HIP1R: variants seen among roughly 807,000 people sequenced by gnomAD.
HIP1R encodes the protein huntingtin-interacting protein 1-related protein.
HIP1R carries 135 observed loss-of-function variants against 144.2 expected under a neutral mutation model. The ratio of observed to expected loss-of-function variants is 0.94; its 90% CI spans 0.81 to 1.08. The LOEUF (loss-of-function observed/expected upper bound fraction) is 1.08. Among genes scored for constraint, HIP1R ranks in the 50% least tolerant of loss-of-function variants. The pLI, the probability that HIP1R is intolerant of heterozygous loss-of-function variation, is 0.00. For missense variants in HIP1R, 1,462 were observed against 1,432.8 expected (o/e 1.02, Z -0.33); for synonymous variants, 698 against 612.8 (o/e 1.14, Z -2.05).
At chr12:122,860,023 T>G in intron 24 of HIP1R, 24 bp from the exon 25 acceptor site, 2 of 1,547,854 alleles carry the variant, frequency 1.3e-6, no homozygotes, top group South Asian at 2.5e-5. Context: ...GAGCGGCAGC[T>G]AAGTCTCTCC....
rs992456277 is a variant in HIP1R at position 122,840,326 on chromosome 12, G to A, written c.93+4683G>A. ...TGGCCTGTTCCTGTAGCTTTGGGGT[G>A]TGCCCCAGGAAGGTCCGAGTCATCT... On this transcript the variant is annotated intron_variant, in intron 1 of 31. Transcript: ENST00000253083. This position sits in a 1 kb window ranked among gnomAD's most constrained non-coding sequence, Gnocchi z 4.2. 6.6e-6 allele frequency among the ~76,000 whole-genome samples: 1 copy of A among 152,210 alleles called. No individual in the cohort carries two copies. The highest frequency in any genetic ancestry group is 6.5e-5 in the Admixed American group (1 of 15,280).
chr12:122,859,808 G>C lies in HIP1R; in HGVS notation c.2443G>C (p.Val815Leu). 6.2e-7 allele frequency: 1 copy of C among 1,612,888 alleles called. No homozygotes were observed. Among genetic ancestry groups the C allele is most frequent in the South Asian group, 1.1e-5 (1 of 91,036 alleles). ...MNQARHASSG[V>L]KLEVNERILN... The stretch of plus-strand genomic sequence containing the variant: ...CCAGGCACGCCACGCCAGCTCGGGG[G>C]TGAAGCTGGAGGTGAACGAGAGGTG... Residue 815 changes from valine to leucine, a missense_variant, in exon 24 of 32, where the codon GTG becomes CTG. Physicochemically the swap from Val to Leu is conservative, Grantham distance 32 (BLOSUM62 1). Coordinates refer to ENST00000253083, the MANE Select transcript of HIP1R (RefSeq NM_003959.3).
In HIP1R at chr12:122,836,459, T is replaced by G. The variant is rs374073601; in HGVS notation, c.93+816T>G. On this transcript the variant is annotated intron_variant, in intron 1 of 31. Coordinates refer to ENST00000253083, the MANE Select transcript of HIP1R (RefSeq NM_003959.3). This position sits in a 1 kb window ranked among gnomAD's most constrained non-coding sequence, Gnocchi z 4.1. ...GGCGCGGGTGTGCGTTTTGTACTTG[T>G]GTTTGTGCCGGGGACCCACGATGCA... 6.6e-6 allele frequency among the ~76,000 whole-genome samples: 1 copy of G among 152,188 alleles called. No homozygotes were observed. The highest frequency in any genetic ancestry group is 1.5e-5 in the Non-Finnish European group (1 of 68,042).
chr12:122,853,030 G>T (rs1239261863), intron 7 of HIP1R, among the ~76,000 whole-genome samples: 1 of 152,304 alleles, frequency 6.6e-6, no homozygotes, highest in African/African-American at 2.4e-5. Flanking sequence ...AGGCAAGGCA[G>T]GAGCAGGACC....
rs775827866 is a variant in HIP1R, at chr12:122,849,836, C to G, written c.358-39C>G. 10 of 1,498,562 alleles carry G rather than the reference C, an allele frequency of 6.7e-6. No individual in the cohort carries two copies. In the Admixed American group the frequency reaches 1.7e-4, roughly 25 times the overall value. 92.8% of individuals were successfully genotyped at this position (1,498,562 alleles called of 1,614,324 possible). ...GTCCTTGAGGACTCTTGGACGTGTT[C>G]ACGAGCCGTGGCCCCTCACCCTGTC... is the stretch of plus-strand genomic sequence containing the variant. On this transcript the variant is annotated intron_variant, in intron 4 of 31. Transcript: ENST00000253083.
Position 122,861,915 on chromosome 12 carries a change from G to A in HIP1R, c.*162G>A, listed in dbSNP as rs1490903279. The A allele has an allele frequency of 2.4e-5, 15 of 618,044 alleles. No individual in the cohort carries two copies. Among genetic ancestry groups the A allele is most frequent in the Non-Finnish European group, 3.6e-5 (13 of 361,020 alleles). 38.3% of individuals were successfully genotyped at this position (618,044 alleles called of 1,614,324 possible). On this transcript the variant is annotated 3_prime_UTR_variant, in exon 32 of 32. Coordinates refer to ENST00000253083, the MANE Select transcript of HIP1R (RefSeq NM_003959.3). ...CCCTGGCCCTTACTGAGCCTGCAGGGTCCTGGGCCATGTGGGTGGTGCTTC... is the reference window on the plus strand; with the variant it reads ...CCCTGGCCCTTACTGAGCCTGCAGGATCCTGGGCCATGTGGGTGGTGCTTC...
In HIP1R at chr12:122,855,814, A is replaced by G; in HGVS notation, c.1056-17A>G. The G allele has an allele frequency of 6.4e-7, 1 of 1,553,596 alleles. No homozygotes were observed. On this transcript the variant is annotated splice_polypyrimidine_tract_variant and intron_variant, in intron 12 of 31. Transcript: ENST00000253083. ...TTCTGGTTGACTTAACTTGAACCCC[A>G]GGACCTCTGTCCCCAGGGACCTCCA... is the stretch of plus-strand genomic sequence containing the variant.
rs2033809301 is a variant in HIP1R, at chr12:122,862,837, T to TA, written c.*1085dup. 6.6e-6 allele frequency: 1 copy of TA among 152,120 alleles called. No individual in the cohort carries two copies. Among genetic ancestry groups the TA allele is most frequent in the Admixed American group, 6.5e-5 (1 of 15,282 alleles). 9.4% of individuals were successfully genotyped at this position (152,120 alleles called of 1,614,324 possible). ...CTTTCACCCTGTGCTCTGGAAAGGC[T>TA]ACCAAATACTGGCCAAGGTCAGGAG... On this transcript the variant is annotated 3_prime_UTR_variant, in exon 32 of 32. Transcript: ENST00000253083.
At chr12:122,834,878 G>A (rs1593852576), upstream of HIP1R, 8 of 1,023,554 alleles carry the variant, frequency 7.8e-6, no homozygotes, top group South Asian at 1.1e-4. Flanking sequence ...GTGTCATTGT[G>A]TGCCTTTTGA....
intron 1 of HIP1R, among the ~76,000 whole-genome samples, chr12:122,846,893 C>T (rs1214750172): frequency 6.6e-6 from 1 of 152,248 alleles, no homozygotes. Flanking sequence ...AATTGGATGT[C>T]CTCTGCTCCG....
rs916784946 is a variant in HIP1R at position 122,862,144 on chromosome 12, C to T, written c.*391C>T. 6 of 193,562 alleles carry T rather than the reference C, an allele frequency of 3.1e-5. No homozygotes were observed. The highest frequency in any genetic ancestry group is 1.2e-4 in the Admixed American group (2 of 17,288). The allele number at this position is 193,562 out of a possible 1,614,324, so 12.0% of individuals were successfully genotyped here. On this transcript the variant is annotated 3_prime_UTR_variant, in exon 32 of 32. Transcript: ENST00000253083. The stretch of plus-strand genomic sequence containing the variant: ...ACCGGGCCAGCGTGGGGCTCCCTGC[C>T]TTCTGGACTCCTGAAGGTCGTGGAT...
In HIP1R at chr12:122,848,483, C is replaced by T; in HGVS notation, c.175C>T (p.His59Tyr). 1 of 1,612,644 alleles carries T rather than the reference C, an allele frequency of 6.2e-7. No individual in the cohort carries two copies. Among genetic ancestry groups the T allele is most frequent in the Non-Finnish European group, 8.5e-7 (1 of 1,179,532 alleles). The change falls in exon 3 of 32, where the codon CAC (histidine) becomes TAC (tyrosine). Residue 59 changes from histidine to tyrosine, a missense_variant. Transcript: ENST00000253083. Reference sequence around the variant, plus strand: ...CATTGCAGGCATCATTCTGGGCACACACCACGAGAAGGGGGCTTTCACCTT... The same window carrying T: ...CATTGCAGGCATCATTCTGGGCACATACCACGAGAAGGGGGCTTTCACCTT... ...KHARRIILGT[H>Y]HEKGAFTFWS...
intron 1 of HIP1R, among the ~76,000 whole-genome samples, chr12:122,837,031 A>G (rs2135623875): frequency 6.6e-6 from 1 of 152,336 alleles, no homozygotes; most frequent in Non-Finnish European, 1.5e-5. Context: ...CCAATACATA[A>G]TTAATTGTGC....
At position 122,859,073 on chromosome 12, in the gene HIP1R, C is replaced by T. The variant is rs1445364580; in HGVS notation, c.2171C>T (p.Thr724Ile). 3 of 1,606,470 alleles carry T rather than the reference C, an allele frequency of 1.9e-6. No individual in the cohort carries two copies. Among genetic ancestry groups the T allele is most frequent in the South Asian group, 1.1e-5 (1 of 90,100 alleles). The change falls in exon 22 of 32, where the codon ACC (threonine) becomes ATC (isoleucine). Residue 724 changes from threonine (T) to isoleucine (I), a missense_variant. Physicochemically the swap from Thr to Ile is moderately conservative, Grantham distance 89 (BLOSUM62 -1). Around this residue, in one of 2 missense-constraint regions of HIP1R, gnomAD observed 1,112 missense variants for 1,011.7 expected, o/e 1.10. Coordinates refer to ENST00000253083, the MANE Select transcript of HIP1R (RefSeq NM_003959.3). Reference sequence around the variant, plus strand: ...TTTCTCACCCCAGGCCTCATAGACACCTGCAGGGAGTGCGGGGCCCGGGCT... The same window carrying T: ...TTTCTCACCCCAGGCCTCATAGACATCTGCAGGGAGTGCGGGGCCCGGGCT... ...PTDPADRLID[T>I]CRECGARALE...
intron 14 of HIP1R, 24 bp downstream of exon 14, chr12:122,856,187 G>C (rs1329574869): frequency 6.8e-6 from 11 of 1,610,910 alleles, no homozygotes; most frequent in Non-Finnish European, 8.5e-6. Flanking sequence ...TGGCCACAGG[G>C]GTCCAAGGGT....
In HIP1R at chr12:122,859,453, C is replaced by T. The variant is rs575784864; in HGVS notation, c.2323C>T (p.Arg775Trp). 15 of 1,613,384 alleles carry T rather than the reference C, an allele frequency of 9.3e-6. No individual in the cohort carries two copies. Among genetic ancestry groups the T allele is most frequent in the East Asian group, 4.5e-5 (2 of 44,878 alleles). Residue 775 changes from arginine to tryptophan, a missense_variant, in exon 23 of 32, where the codon CGG (arginine) becomes TGG (tryptophan). Physicochemically the swap from Arg to Trp is moderately radical, Grantham distance 101 (BLOSUM62 -3). Coordinates refer to ENST00000253083, the MANE Select transcript of HIP1R (RefSeq NM_003959.3). ...QELKPKSLDV[R>W]QEELGAVVDK... ...ACTGAAACCCAAGAGCCTAGATGTG[C>T]GGCAGGAGGAGCTGGGGGCCGTGGT...
intron 2 of HIP1R, 126 bp downstream of exon 2, chr12:122,848,220 T>A: frequency 9.3e-7 from 1 of 1,072,752 alleles, no homozygotes. Context: ...GGGAGGAGGG[T>A]CCTGTGCAGC....
At chr12:122,834,920 C>G (rs1047810446), upstream of HIP1R, 9 of 1,284,686 alleles carry the variant, frequency 7.0e-6, no homozygotes, top group African/African-American at 1.5e-5. Context: ...GGAAAAAAAG[C>G]GTCTATCTGT....
At chr12:122,860,550 AG>A (rs764211817) in intron 27 of HIP1R, 27 bp downstream of exon 27, 7 of 1,214,474 alleles carry the variant, frequency 5.8e-6, no homozygotes, top group African/African-American at 4.6e-5. Context: ...GGGGGGGGGC[AG>A]GGGGCTGCTT....
Sources: allele counts gnomAD v4.1 joint callset (sites outside exome capture counted in the v4.1 genomes callset), GRCh38; gene constraint gnomAD v4.1.1; regional missense constraint gnomAD v4.1.1; non-coding constraint Gnocchi (gnomAD v3.1); transcripts MANE v1.5; gene names NCBI Gene and HGNC (gene_info 2026-07-23, HGNC 2026-07-21).